FBXW8: variants seen among roughly 807,000 people sequenced by gnomAD.
FBXW8 encodes F-box and WD repeat domain containing 8.
FBXW8 carries 57 observed loss-of-function variants against 65.3 expected under a neutral mutation model. That is an observed-to-expected ratio of 0.87 (90% CI 0.71 to 1.09). The LOEUF (loss-of-function observed/expected upper bound fraction) is 1.09, where lower values mean the gene tolerates loss of function less well. Among genes scored for constraint, FBXW8 ranks in the 50% least tolerant of loss-of-function variants. The probability of loss-of-function intolerance (pLI) is 0.00; values close to 1 mark genes in which losing one functional copy is unlikely to be tolerated. For synonymous variants in FBXW8, 308 were observed against 330.2 expected, an observed-to-expected ratio of 0.93 and a Z score of 0.73; for missense variants, 777 against 814.8, an observed-to-expected ratio of 0.95 and a Z score of 0.57.
At chr12:116,982,631 T>A (rs1388740725) in intron 5 of FBXW8, among the ~76,000 whole-genome samples, 2 of 151,810 alleles carry the variant, frequency 1.3e-5, no homozygotes. Flanking sequence ...GGATTTTTTT[T>A]TTTTTTTTTC....
At chr12:116,944,204 C>T (rs1015968312) in intron 2 of FBXW8, among the ~76,000 whole-genome samples, 1 of 152,172 alleles carries the variant, frequency 6.6e-6, no homozygotes, top group Non-Finnish European at 1.5e-5. Flanking sequence ...AAATGTTCCT[C>T]AGAATGTTGC....
chr12:116,973,705 A>G (rs1884763869), intron 5 of FBXW8, among the ~76,000 whole-genome samples: 1 of 152,206 alleles, frequency 6.6e-6, no homozygotes, highest in South Asian at 2.1e-4. Context: ...GAACTATTCC[A>G]GGTGGAAAGA....
At chr12:117,003,296 C>A (rs1445003196) in intron 7 of FBXW8, 2 of 152,256 alleles carry the variant, frequency 1.3e-5, no homozygotes, top group East Asian at 1.9e-4. Context: ...ATACTGAGCC[C>A]CTCCTATGTG....
intron 1 of FBXW8, among the ~76,000 whole-genome samples, chr12:116,912,498 G>A (rs1490936437): frequency 7.8e-6 from 1 of 128,750 alleles, no homozygotes; most frequent in South Asian, 2.4e-4. Context: ...TCGCTCTGTC[G>A]CCCAGGCTGG....
intron 1 of FBXW8, among the ~76,000 whole-genome samples, chr12:116,916,661 G>A (rs1880435673): frequency 6.6e-6 from 1 of 152,218 alleles, no homozygotes. Context: ...TGCTGGGGGA[G>A]TTGAGGCAGG....
intron 4 of FBXW8, among the ~76,000 whole-genome samples, chr12:116,956,903 G>C (rs1368122424): frequency 6.6e-6 from 1 of 152,202 alleles, no homozygotes; most frequent in Non-Finnish European, 1.5e-5. Flanking sequence ...AGGAGGTGGA[G>C]GTTGCAGTGA....
rs1884196969 is a variant in FBXW8, at chr12:116,964,623, G to A, written c.678-74G>A. 5.8e-6 allele frequency: 9 copies of A among 1,563,584 alleles called. No homozygotes were observed. In the Admixed American group the frequency reaches 1.3e-4, roughly 23 times the overall value. ...ATTCTTACTTGTCTGTTGTTGTAAG[G>A]CTCTGTGCATTTTCCCCACCATAGC... On this transcript the variant is annotated intron_variant, in intron 4 of 10. Transcript: ENST00000652555.
intron 1 of FBXW8, among the ~76,000 whole-genome samples, chr12:116,927,530 G>A (rs2137307911): frequency 6.6e-6 from 1 of 152,272 alleles, no homozygotes; most frequent in South Asian, 2.1e-4. Flanking sequence ...AAACCCCTTA[G>A]TGACCTAGAG....
chr12:116,926,104 A>G (rs1269126151), intron 1 of FBXW8, among the ~76,000 whole-genome samples: 2 of 152,218 alleles, frequency 1.3e-5, no homozygotes, highest in Admixed American at 1.3e-4. Flanking sequence ...ACTTTTCTGC[A>G]CTAGAACAGC....
chr12:116,925,595 G>A (rs1022773135), intron 1 of FBXW8, among the ~76,000 whole-genome samples: 8 of 152,052 alleles, frequency 5.3e-5, no homozygotes, highest in Non-Finnish European at 1.0e-4. Context: ...TGAAAGTCTG[G>A]GACTTGATCT....
At chr12:117,005,519 C>T (rs1953654238) in intron 7 of FBXW8, among the ~76,000 whole-genome samples, 1 of 152,168 alleles carries the variant, frequency 6.6e-6, no homozygotes, top group African/African-American at 2.4e-5. Context: ...CAGAGCCTCC[C>T]CTGACCTGCT....
intron 3 of FBXW8, 182 bp from the exon 4 acceptor site, chr12:116,949,436 A>T (rs763172747): frequency 4.8e-6 from 3 of 619,942 alleles, no homozygotes; most frequent in Non-Finnish European, 8.8e-6. Context: ...TAACTCGCCC[A>T]TGCTTAACAG....
intron 7 of FBXW8, chr12:117,002,732 T>A (rs1953562553): frequency 6.6e-6 from 1 of 152,238 alleles, no homozygotes; most frequent in African/African-American, 2.4e-5. Context: ...TATTCATGTA[T>A]ATTAACTGCA....
chr12:117,010,535 T>C, intron 8 of FBXW8, 85 bp downstream of exon 8: 1 of 1,584,380 alleles, frequency 6.3e-7, no homozygotes, highest in Non-Finnish European at 8.6e-7. Context: ...CACTGCCCGG[T>C]TCTCACTCAA....
intron 2 of FBXW8, among the ~76,000 whole-genome samples, chr12:116,941,913 G>C (rs1234183763): frequency 1.3e-5 from 2 of 152,092 alleles, no homozygotes; most frequent in Admixed American, 1.3e-4. Flanking sequence ...AATTCCAGTA[G>C]TGCACCAAAA....
At chr12:116,960,233 T>G (rs1424036651) in intron 4 of FBXW8, among the ~76,000 whole-genome samples, 8 of 152,196 alleles carry the variant, frequency 5.3e-5, no homozygotes, top group Non-Finnish European at 1.0e-4. Flanking sequence ...CAACCTGTGT[T>G]TTACCCTACC....
At chr12:117,018,818 C>G (rs1382299007) in intron 8 of FBXW8, among the ~76,000 whole-genome samples, 7 of 152,116 alleles carry the variant, frequency 4.6e-5, no homozygotes, top group African/African-American at 1.7e-4. Context: ...AAACTTTGAA[C>G]TTCTGGACCA....
At chr12:116,952,037 A>G (rs190188959) in intron 4 of FBXW8, among the ~76,000 whole-genome samples, 3 of 152,270 alleles carry the variant, frequency 2.0e-5, no homozygotes, top group African/African-American at 7.2e-5. Context: ...GCTCTTTGAC[A>G]TTTCTTTCCA....
chr12:116,933,837 G>C (rs552579400), intron 2 of FBXW8, among the ~76,000 whole-genome samples: 1 of 152,200 alleles, frequency 6.6e-6, no homozygotes, highest in South Asian at 2.1e-4. Flanking sequence ...TTTGTTTCTT[G>C]GGGTGTTTTT....
Sources: allele counts gnomAD v4.1 joint callset (sites outside exome capture counted in the v4.1 genomes callset), GRCh38; gene constraint gnomAD v4.1.1; transcripts MANE v1.5; gene names NCBI Gene and HGNC (gene_info 2026-07-23, HGNC 2026-07-21).